GRM5: variants seen among roughly 807,000 people sequenced by gnomAD.
GRM5 encodes metabotropic glutamate receptor 5.
GRM5 carries 19 observed loss-of-function variants against 83.1 expected under a neutral mutation model. The observed-to-expected ratio is 0.23, with a 90% CI of 0.16 to 0.34. The LOEUF (loss-of-function observed/expected upper bound fraction) is 0.34, where lower values mean the gene tolerates loss of function less well. Among genes scored for constraint, GRM5 ranks in the 10% least tolerant of loss-of-function variants. GRM5 has a pLI of 1.00. For synonymous variants in GRM5, 675 were observed against 633.6 expected, an observed-to-expected ratio of 1.07 and a Z score of -0.98; for missense variants, 1,160 against 1,588.3, an observed-to-expected ratio of 0.73 and a Z score of 4.58.
chr11:88,784,633 A>T (rs1943032279), intron 3 of GRM5, among the ~76,000 whole-genome samples: 2 of 152,002 alleles, frequency 1.3e-5, no homozygotes, highest in South Asian at 4.1e-4. Flanking sequence ...ATCCCTTCCC[A>T]TTCTATTGAA....
intron 2 of GRM5, among the ~76,000 whole-genome samples, chr11:88,944,288 A>T (rs1938205769): frequency 1.3e-5 from 2 of 152,028 alleles, no homozygotes; most frequent in South Asian, 4.1e-4. Flanking sequence ...ATAAATGTTC[A>T]TAAGTAAGAG....
At chr11:89,034,160 T>C (rs2135129157) in intron 2 of GRM5, among the ~76,000 whole-genome samples, 1 of 151,890 alleles carries the variant, frequency 6.6e-6, no homozygotes, top group African/African-American at 2.4e-5. Flanking sequence ...TTGTATGCTA[T>C]ATCTGTCAGT....
Position 88,509,488 on chromosome 11 carries a change from C to G in GRM5, c.2743G>C (p.Val915Leu). 6.2e-7 allele frequency: 1 copy of G among 1,611,728 alleles called. No individual in the cohort carries two copies. Among genetic ancestry groups the G allele is most frequent in the Non-Finnish European group, 8.5e-7 (1 of 1,179,378 alleles). The change falls in exon 10 of 10, where the codon GTC becomes CTC. Residue 915 changes from valine to leucine, a missense_variant. Coordinates refer to ENST00000305447, the MANE Select transcript of GRM5 (RefSeq NM_001143831.3). ...ATMSSSNGKSVTWAQNEKSSR... is the reference protein window; with the variant it reads ...ATMSSSNGKSLTWAQNEKSSR... ...CTCTTCTCATTCTGGGCCCACGTGACGGATTTTCCATTGGAACTGAGGAGA... is the reference window on the plus strand; with the variant it reads ...CTCTTCTCATTCTGGGCCCACGTGAGGGATTTTCCATTGGAACTGAGGAGA...
intron 4 of GRM5, among the ~76,000 whole-genome samples, chr11:88,616,829 A>G (rs1394151342): frequency 6.6e-6 from 1 of 152,164 alleles, no homozygotes; most frequent in African/African-American, 2.4e-5. Context: ...ACCTGGATCT[A>G]AGGCTCAGTT....
At chr11:88,995,544 CAAAAAA>C (rs1022656205) in intron 2 of GRM5, among the ~76,000 whole-genome samples, 3 of 16,898 alleles carry the variant, frequency 1.8e-4, no homozygotes, top group Non-Finnish European at 5.4e-4. Context: ...GACTCCATCT[CAAAAAA>C]AAAAAAAAAA....
At chr11:88,509,535 C>G (rs1162858046) in intron 9 of GRM5, 31 bp from the exon 10 acceptor site, 23 of 1,561,318 alleles carry the variant, frequency 1.5e-5, no homozygotes, top group Admixed American at 3.5e-5. Context: ...AAAGGTGACT[C>G]AGCGAGGTGC....
chr11:88,978,757 T>A (rs1939423851), intron 2 of GRM5, among the ~76,000 whole-genome samples: 1 of 152,118 alleles, frequency 6.6e-6, no homozygotes, highest in African/African-American at 2.4e-5. Flanking sequence ...TAGAAAAAGC[T>A]TTCTGTTACG....
At chr11:88,562,128 C>A (rs931944917) in intron 8 of GRM5, among the ~76,000 whole-genome samples, 1 of 152,142 alleles carries the variant, frequency 6.6e-6, no homozygotes, top group South Asian at 2.1e-4. Flanking sequence ...AAAAAATGGT[C>A]TTGTATACAT....
intron 7 of GRM5, among the ~76,000 whole-genome samples, chr11:88,582,087 T>C (rs75036117): frequency 0.08 from 12,220 of 152,234 alleles, 691 homozygotes; most frequent in Non-Finnish European, 0.12. Flanking sequence ...TCCTTCATTA[T>C]ACAAACATTA....
chr11:88,967,948 A>G (rs1338055934), intron 2 of GRM5, among the ~76,000 whole-genome samples: 1 of 152,102 alleles, frequency 6.6e-6, no homozygotes, highest in Non-Finnish European at 1.5e-5. Context: ...AAGAGCAAAA[A>G]TAGAGTGACC....
At chr11:88,514,126 G>T (rs893006845) in intron 9 of GRM5, among the ~76,000 whole-genome samples, 1 of 152,012 alleles carries the variant, frequency 6.6e-6, no homozygotes, top group East Asian at 1.9e-4. Context: ...TCTGAGGAGG[G>T]GGCCAAAAGT....
intron 3 of GRM5, among the ~76,000 whole-genome samples, chr11:88,765,467 G>A (rs1312444630): frequency 6.7e-6 from 1 of 148,538 alleles, no homozygotes; most frequent in African/African-American, 2.5e-5. Flanking sequence ...CAAAGCCATA[G>A]TAATCGTAAC....
intron 7 of GRM5, among the ~76,000 whole-genome samples, chr11:88,582,389 A>G (rs1193059124): frequency 4.6e-5 from 7 of 152,186 alleles, no homozygotes; most frequent in Admixed American, 3.9e-4. Context: ...GGTACCTTCC[A>G]TTTATATTTG....
chr11:88,745,889 A>C (rs1173175380), intron 3 of GRM5, among the ~76,000 whole-genome samples: 2 of 152,192 alleles, frequency 1.3e-5, no homozygotes, highest in African/African-American at 2.4e-5. Context: ...ATTTCTGAAA[A>C]GCCCCATCTA....
chr11:88,507,441 C>G lies in GRM5; in HGVS notation c.*1151G>C, dbSNP rs923025719. On this transcript the variant is annotated 3_prime_UTR_variant, in exon 10 of 10. Transcript: ENST00000305447. ...AAATCTCCACTAAGCTGACTTGACACAGTTAAAATTTTCAGTGTATTAAGA... is the reference window on the plus strand; with the variant it reads ...AAATCTCCACTAAGCTGACTTGACAGAGTTAAAATTTTCAGTGTATTAAGA... 1.3e-5 allele frequency: 2 copies of G among 152,174 alleles called. No individual in the cohort carries two copies. Among genetic ancestry groups the G allele is most frequent in the African/African-American group, 4.8e-5 (2 of 41,440 alleles). The allele number at this position is 152,174 out of a possible 1,614,324, so 9.4% of individuals were successfully genotyped here.
At chr11:88,942,575 T>C (rs1938149272) in intron 2 of GRM5, among the ~76,000 whole-genome samples, 1 of 152,038 alleles carries the variant, frequency 6.6e-6, no homozygotes, top group African/African-American at 2.4e-5. Context: ...TAAAATTATA[T>C]ATTCATAAAT....
At chr11:88,996,402 T>G (rs1346747203) in intron 2 of GRM5, among the ~76,000 whole-genome samples, 1 of 152,228 alleles carries the variant, frequency 6.6e-6, no homozygotes, top group Non-Finnish European at 1.5e-5. Flanking sequence ...TATCTATGGC[T>G]GCAACTAATT....
chr11:88,636,247 C>T lies in GRM5; in HGVS notation c.1147+16921G>A, dbSNP rs544548851. ...AAAGATTCTGCCAGGCACGGTGGCTCACGCTTGTAATCCCAGCACTTTGGG... is the reference window on the plus strand; with the variant it reads ...AAAGATTCTGCCAGGCACGGTGGCTTACGCTTGTAATCCCAGCACTTTGGG... On this transcript the variant is annotated intron_variant, in intron 4 of 9. Coordinates refer to ENST00000305447, the MANE Select transcript of GRM5 (RefSeq NM_001143831.3). 6.6e-5 allele frequency among the ~76,000 whole-genome samples: 10 copies of T among 152,308 alleles called. No individual in the cohort carries two copies. In the South Asian group the frequency reaches 2.1e-3, roughly 32 times the overall value.
At chr11:88,649,669 A>G (rs1939580430) in intron 4 of GRM5, among the ~76,000 whole-genome samples, 1 of 151,352 alleles carries the variant, frequency 6.6e-6, no homozygotes. Flanking sequence ...GAAGCAAGCA[A>G]ACAAAAGAAA....
Sources: allele counts gnomAD v4.1 joint callset (sites outside exome capture counted in the v4.1 genomes callset), GRCh38; gene constraint gnomAD v4.1.1; transcripts MANE v1.5; gene names NCBI Gene and HGNC (gene_info 2026-07-23, HGNC 2026-07-21).